Variants in WDR75 observed in about 807,000 individuals in gnomAD.
WDR75 encodes WD repeat-containing protein 75.
In WDR75, 52 loss-of-function variants were observed where a neutral mutation model predicts 106.1. The observed-to-expected ratio is 0.49, with a 90% CI of 0.39 to 0.62. The LOEUF is 0.62. WDR75 is among the 20% of genes least tolerant of loss of function. The pLI is 0.00. For missense variants in WDR75, 905 were observed against 970.3 expected (o/e 0.93, Z 0.89); for synonymous variants, 333 against 335.5 (o/e 0.99, Z 0.08).
chr2:189,452,393 A>G (rs1231505221), intron 4 of WDR75, among the ~76,000 whole-genome samples: 2 of 152,096 alleles, frequency 1.3e-5, no homozygotes, highest in African/African-American at 4.8e-5. Flanking sequence ...CCCCGTCTCT[A>G]CTAAACAAAA....
chr2:189,471,361 T>C (rs1397595205), intron 18 of WDR75, among the ~76,000 whole-genome samples: 1 of 152,194 alleles, frequency 6.6e-6, no homozygotes, highest in Non-Finnish European at 1.5e-5. Context: ...TCCCTACTTG[T>C]CCCCCAATTT....
chr2:189,449,843 C>T, intron 2 of WDR75: 1 of 984,896 alleles, frequency 1.0e-6, no homozygotes, highest in Middle Eastern at 5.2e-4. Flanking sequence ...CATTCCTCTT[C>T]TCTGAGTCCA....
chr2:189,453,900 A>C (rs1372137836), intron 4 of WDR75, among the ~76,000 whole-genome samples: 2 of 152,212 alleles, frequency 1.3e-5, no homozygotes, highest in African/African-American at 4.8e-5. Flanking sequence ...TGGTTTAAAA[A>C]CAAATTAGCC....
At chr2:189,472,786 G>A (rs1306024774) in intron 18 of WDR75, among the ~76,000 whole-genome samples, 3 of 152,152 alleles carry the variant, frequency 2.0e-5, no homozygotes, top group African/African-American at 7.2e-5. Flanking sequence ...GAACAATGTA[G>A]AGATTGAAAA....
chr2:189,459,530 G>A (rs776345351), intron 8 of WDR75, 106 bp downstream of exon 8: 1 of 1,076,440 alleles, frequency 9.3e-7, no homozygotes, highest in Non-Finnish European at 1.4e-6. Context: ...TGAGCCAAAT[G>A]AATTCCAAAC....
intron 1 of WDR75, among the ~76,000 whole-genome samples, chr2:189,441,848 C>A (rs991509781): frequency 5.3e-5 from 8 of 152,144 alleles, no homozygotes; most frequent in African/African-American, 1.7e-4. Context: ...GGAAGGTGTT[C>A]GGGCGGCTGG....
At position 189,465,252 on chromosome 2, in the gene WDR75, A is replaced by T. The variant is rs749819471; in HGVS notation, c.1287A>T (p.Gln429His). ...TGTGGATGTATAATAAGAAAACACA[A>T]GGGTAATACTATCTGTGTAGCCACT... ...MKLWMYNKKTQGFILNTKINM... is the reference protein window; with the variant it reads ...MKLWMYNKKTHGFILNTKINM... The change falls in exon 12 of 21, where the codon CAA becomes CAT. Residue 429 changes from glutamine (Q) to histidine (H), a missense_variant and splice_region_variant. Gln to His is a conservative substitution (Grantham distance 24, BLOSUM62 0). Transcript: ENST00000314761. 1 of 1,604,764 alleles carries T rather than the reference A, an allele frequency of 6.2e-7. No homozygotes were observed.
rs943418633 is a variant in WDR75, at chr2:189,474,373, C to T, written c.2196+41C>T. On this transcript the variant is annotated intron_variant, in intron 19 of 20. Transcript: ENST00000314761. Reference sequence around the variant, plus strand: ...AACCATGTGAAACAGATTAAATGCACTTAAAGCACCTGAAGTTGGAGTTTT... The same window carrying T: ...AACCATGTGAAACAGATTAAATGCATTTAAAGCACCTGAAGTTGGAGTTTT... 1.9e-6 allele frequency: 3 copies of T among 1,570,098 alleles called. No individual in the cohort carries two copies. In the African/African-American group the frequency reaches 4.1e-5, roughly 22 times the overall value.
intron 5 of WDR75, among the ~76,000 whole-genome samples, chr2:189,456,183 A>G (rs934598772): frequency 6.6e-6 from 1 of 152,214 alleles, no homozygotes; most frequent in African/African-American, 2.4e-5. Flanking sequence ...TTAGTCATCA[A>G]ATAAATACTA....
intron 18 of WDR75, among the ~76,000 whole-genome samples, chr2:189,472,254 C>T (rs539281842): frequency 1.1e-4 from 17 of 152,072 alleles, no homozygotes; most frequent in African/African-American, 3.1e-4. Flanking sequence ...AGAGAATAGA[C>T]GAAAAGATGG....
intron 18 of WDR75, among the ~76,000 whole-genome samples, chr2:189,471,169 T>G (rs1687112135): frequency 6.6e-6 from 1 of 152,176 alleles, no homozygotes; most frequent in African/African-American, 2.4e-5. Flanking sequence ...ACAATCACTC[T>G]CAAATCTTTT....
chr2:189,457,348 CTG>C lies in WDR75; in HGVS notation c.538_539del (p.Val180LeufsTer19). On this transcript the variant is annotated frameshift_variant, in exon 6 of 21. Coordinates refer to ENST00000314761, the MANE Select transcript of WDR75 (RefSeq NM_032168.3). LOFTEE classifies it high-confidence loss of function. ...GCTGCAGTACGGGAATTTTACTTGT[CTG>C]TTTATTTTTTCAAAAAGAAAACAAC... 6.2e-7 allele frequency: 1 copy of C among 1,604,074 alleles called. No homozygotes were observed. The highest frequency in any genetic ancestry group is 8.5e-7 in the Non-Finnish European group (1 of 1,172,406).
In WDR75 at chr2:189,458,733, TTG is replaced by T; in HGVS notation, c.570-18_570-17del. ...AAGAGACTTTAATAATTAAGGGAAT[TTG>T]TTTTTTTTTTCTCCTAGGTTTACTT... On this transcript the variant is annotated intron_variant, in intron 6 of 20. Transcript: ENST00000314761. 6.5e-7 allele frequency: 1 copy of T among 1,526,748 alleles called. No individual in the cohort carries two copies. The highest frequency in any genetic ancestry group is 2.1e-5 in the Admixed American group (1 of 47,482). The allele number at this position is 1,526,748 out of a possible 1,614,324, so 94.6% of individuals were successfully genotyped here. A position where few individuals can be genotyped will look rare whatever the true frequency, so the allele number is the denominator to read the frequency against.
rs750383389 is a variant in WDR75, at chr2:189,459,395, T to C, written c.749T>C (p.Met250Thr). ...ACATGTTTACATTGGCACCATGATA[T>C]GGTTATGGATTTGGCTTTTTCAGTG... is the stretch of plus-strand genomic sequence containing the variant. ...TYTCLHWHHD[M>T]VMDLAFSVTG... is the part of the protein sequence containing the mutation. The change falls in exon 8 of 21, where the codon ATG (methionine) becomes ACG (threonine). Residue 250 changes from methionine (M) to threonine (T), a missense_variant. Transcript: ENST00000314761. 1 of 1,612,644 alleles carries C rather than the reference T, an allele frequency of 6.2e-7. No homozygotes were observed.
chr2:189,454,819 C>T (rs1432701985), intron 4 of WDR75, among the ~76,000 whole-genome samples: 2 of 152,152 alleles, frequency 1.3e-5, no homozygotes, highest in Non-Finnish European at 2.9e-5. Flanking sequence ...CATTTATGTA[C>T]ATGAGTTATG....
At chr2:189,473,380 A>C (rs915077209) in intron 18 of WDR75, among the ~76,000 whole-genome samples, 1 of 152,150 alleles carries the variant, frequency 6.6e-6, no homozygotes, top group African/African-American at 2.4e-5. Context: ...CTCCACATAG[A>C]CGTGTTATTC....
chr2:189,450,957 A>C lies in WDR75; in HGVS notation c.271A>C (p.Ile91Leu). The stretch of plus-strand genomic sequence containing the variant: ...TAAACTGTGGGACTATATAGATGGC[A>C]TCTTAATAAAGGTATGTGGATTGAT... Reference protein sequence around the residue: ...TIKLWDYIDGILIKTFIVGCK... With the variant: ...TIKLWDYIDGLLIKTFIVGCK... Residue 91 changes from isoleucine to leucine, a missense_variant, in exon 3 of 21, where the codon ATC (isoleucine) becomes CTC (leucine). By Grantham distance (5) the Ile-to-Leu change is conservative. Transcript: ENST00000314761. The C allele has an allele frequency of 6.2e-7, 1 of 1,608,930 alleles. No individual in the cohort carries two copies. The highest frequency in any genetic ancestry group is 8.5e-7 in the Non-Finnish European group (1 of 1,178,746).
At chr2:189,442,719 C>T (rs1431411301) in intron 1 of WDR75, among the ~76,000 whole-genome samples, 1 of 151,972 alleles carries the variant, frequency 6.6e-6, no homozygotes, top group Non-Finnish European at 1.5e-5. Context: ...CAAAGTGCAG[C>T]GATTACAGTG....
intron 18 of WDR75, among the ~76,000 whole-genome samples, chr2:189,473,063 C>A (rs1366036880): frequency 1.3e-5 from 2 of 151,888 alleles, no homozygotes; most frequent in Non-Finnish European, 2.9e-5. Context: ...ACTAAAAATA[C>A]AAAAATTAGC....
Sources: allele counts gnomAD v4.1 joint callset (sites outside exome capture counted in the v4.1 genomes callset), GRCh38; gene constraint gnomAD v4.1.1; transcripts MANE v1.5; gene names NCBI Gene and HGNC (gene_info 2026-07-23, HGNC 2026-07-21).